The following GALNT17 variants were observed in gnomAD, a reference collection of about 807,000 sequenced individuals.
GALNT17 encodes the protein polypeptide N-acetylgalactosaminyltransferase 17.
Under a neutral mutation model 63.7 loss-of-function variants are expected in GALNT17, and 29 were observed. The observed-to-expected ratio is 0.46, with a 90% CI of 0.34 to 0.62. The LOEUF (loss-of-function observed/expected upper bound fraction) is 0.62, where lower values mean the gene tolerates loss of function less well. GALNT17 is among the 20% of genes least tolerant of loss of function. The pLI, the probability that GALNT17 is intolerant of heterozygous loss-of-function variation, is 0.01. For synonymous variants in GALNT17, 305 were observed against 318.3 expected (o/e 0.96, Z 0.45); for missense variants, 603 against 799.6 (o/e 0.75, Z 2.97).
intron 1 of GALNT17, among the ~76,000 whole-genome samples, chr7:71,296,848 A>C (rs1355171039): frequency 6.6e-6 from 1 of 152,148 alleles, no homozygotes; most frequent in East Asian, 1.9e-4. Context: ...CATACACTTA[A>C]ATTTATATAT....
At chr7:71,369,591 T>A (rs1050563371) in intron 2 of GALNT17, among the ~76,000 whole-genome samples, 1 of 151,864 alleles carries the variant, frequency 6.6e-6, no homozygotes, top group Admixed American at 6.6e-5. Flanking sequence ...GGTAGGCGGA[T>A]CACTTGAGTT....
intron 1 of GALNT17, among the ~76,000 whole-genome samples, chr7:71,184,819 T>C (rs756608623): frequency 1.1e-4 from 17 of 152,154 alleles, no homozygotes; most frequent in Middle Eastern, 3.2e-3. Context: ...CTAAAAATAA[T>C]GTGGTAAATG....
intron 5 of GALNT17, among the ~76,000 whole-genome samples, chr7:71,434,375 C>A (rs1423589249): frequency 6.6e-6 from 1 of 152,176 alleles, no homozygotes; most frequent in Non-Finnish European, 1.5e-5. Context: ...GGCTGCTGAC[C>A]TCCCTGGGCC....
At chr7:71,339,015 T>C (rs1039229216) in intron 2 of GALNT17, among the ~76,000 whole-genome samples, 1 of 152,190 alleles carries the variant, frequency 6.6e-6, no homozygotes, top group African/African-American at 2.4e-5. Flanking sequence ...AAAACATCTG[T>C]CTGTTTTTAT....
At chr7:71,698,123 C>CAAAAAAAA (rs10708106) in intron 9 of GALNT17, among the ~76,000 whole-genome samples, 1 of 107,754 alleles carries the variant, frequency 9.3e-6, no homozygotes, top group Non-Finnish European at 1.9e-5. Flanking sequence ...GACTCTGTCT[C>CAAAAAAAA]AAAAAAAAAA....
At chr7:71,304,525 T>C (rs1421937576) in intron 1 of GALNT17, among the ~76,000 whole-genome samples, 2 of 152,136 alleles carry the variant, frequency 1.3e-5, no homozygotes, top group Non-Finnish European at 2.9e-5. Context: ...TAAGAAACAC[T>C]CCAAGGGCAT....
intron 1 of GALNT17, among the ~76,000 whole-genome samples, chr7:71,221,443 C>CCT (rs1433008845): frequency 2.7e-5 from 4 of 148,254 alleles, no homozygotes; most frequent in African/African-American, 5.0e-5. Context: ...CCCGGAGCCT[C>CCT]CTCTCTGGGG....
intron 5 of GALNT17, among the ~76,000 whole-genome samples, chr7:71,554,184 C>T (rs1789125797): frequency 6.6e-6 from 1 of 152,228 alleles, no homozygotes; most frequent in African/African-American, 2.4e-5. Context: ...CAAATCTCAT[C>T]TTGAATTGTA....
intron 2 of GALNT17, among the ~76,000 whole-genome samples, chr7:71,373,346 C>T (rs917816548): frequency 2.6e-5 from 4 of 152,034 alleles, no homozygotes; most frequent in African/African-American, 7.2e-5. Flanking sequence ...CTGCTTTCTG[C>T]GGTGTGACTC....
chr7:71,401,098 T>TTTTTC (rs546769589), intron 3 of GALNT17, among the ~76,000 whole-genome samples: 3 of 102,294 alleles, frequency 2.9e-5, no homozygotes, highest in African/African-American at 1.6e-4. Context: ...TTTCTTTTTC[T>TTTTTC]TTTTTTTTTT....
At position 71,471,399 on chromosome 7, in the gene GALNT17, CAAA is replaced by C. The variant is rs35529889; in HGVS notation, c.962+50307_962+50309del. 1.3e-3 allele frequency among the ~76,000 whole-genome samples: 115 copies of C among 89,600 alleles called. No homozygotes were observed. The Middle Eastern group carries it at 0.036, about 28-fold the overall frequency. 58.8% of individuals were successfully genotyped at this position (89,600 alleles called of 152,430 possible). On this transcript the variant is annotated intron_variant, in intron 5 of 10. Coordinates refer to ENST00000333538, the MANE Select transcript of GALNT17 (RefSeq NM_022479.3). Reference sequence around the variant, plus strand: ...GGCTGAGCTCAGCATTTTTTTTTTCCAAAAAAAAAAAAAAACAAAAAAAACCAA... The same window carrying C: ...GGCTGAGCTCAGCATTTTTTTTTTCCAAAAAAAAAAAACAAAAAAAACCAA...
intron 1 of GALNT17, among the ~76,000 whole-genome samples, chr7:71,217,421 A>G (rs1475450926): frequency 6.6e-6 from 1 of 151,900 alleles, no homozygotes; most frequent in Non-Finnish European, 1.5e-5. Flanking sequence ...TAATCAGCAT[A>G]TTGTTGCATT....
chr7:71,174,729 G>A (rs1025208585), intron 1 of GALNT17, among the ~76,000 whole-genome samples: 7 of 152,122 alleles, frequency 4.6e-5, no homozygotes, highest in African/African-American at 1.7e-4. Context: ...ATCAGTTAGG[G>A]TGGGGCAGAA....
At chr7:71,557,436 G>GA (rs1436900034) in intron 5 of GALNT17, among the ~76,000 whole-genome samples, 2 of 152,132 alleles carry the variant, frequency 1.3e-5, no homozygotes, top group East Asian at 3.9e-4. Context: ...TTTTACAGAT[G>GA]AAGAGGAGGC....
chr7:71,696,333 G>A (rs1411366628), intron 9 of GALNT17, among the ~76,000 whole-genome samples: 1 of 151,910 alleles, frequency 6.6e-6, no homozygotes, highest in African/African-American at 2.4e-5. Flanking sequence ...GGCTGGTCTT[G>A]AACTCCTAGC....
chr7:71,140,543 TGAA>T (rs772745911), intron 1 of GALNT17, among the ~76,000 whole-genome samples: 9 of 152,198 alleles, frequency 5.9e-5, no homozygotes, highest in Non-Finnish European at 1.0e-4. Context: ...TCATTCTTGC[TGAA>T]GAAACCCAAC....
At chr7:71,388,469 C>A in intron 3 of GALNT17, 68 bp downstream of exon 3, 1 of 1,548,200 alleles carries the variant, frequency 6.5e-7, no homozygotes, top group South Asian at 1.2e-5. Context: ...TTCATTCCAA[C>A]GCGAGCCCGA....
intron 1 of GALNT17, among the ~76,000 whole-genome samples, chr7:71,147,651 A>G (rs1030383254): frequency 4.0e-5 from 6 of 150,292 alleles, no homozygotes; most frequent in Admixed American, 3.3e-4. Flanking sequence ...TTTTTTTTTT[A>G]GACGGAGTCT....
chr7:71,356,007 T>C (rs1304434898), intron 2 of GALNT17, among the ~76,000 whole-genome samples: 1 of 152,092 alleles, frequency 6.6e-6, no homozygotes, highest in Non-Finnish European at 1.5e-5. Flanking sequence ...GACAGAGTCT[T>C]GCTCTGGTCA....
Sources: allele counts gnomAD v4.1 joint callset (sites outside exome capture counted in the v4.1 genomes callset), GRCh38; gene constraint gnomAD v4.1.1; transcripts MANE v1.5; gene names NCBI Gene and HGNC (gene_info 2026-07-23, HGNC 2026-07-21).